CSMD3: variants seen among roughly 807,000 people sequenced by gnomAD.
CSMD3 encodes CUB and Sushi multiple domains 3, also known as CUB and sushi domain-containing protein 3.
CSMD3 carries 177 observed loss-of-function variants against 435.2 expected under a neutral mutation model. That is an observed-to-expected ratio of 0.41 (90% CI 0.36 to 0.46). CSMD3 has a LOEUF of 0.46. CSMD3 is among the 20% of genes least tolerant of loss of function. The pLI is 0.34. For missense variants in CSMD3, 4,265 were observed against 4,504.6 expected, an observed-to-expected ratio of 0.95 and a Z score of 1.52; for synonymous variants, 1,656 against 1,520.5, an observed-to-expected ratio of 1.09 and a Z score of -2.07.
chr8:113,251,434 T>A (rs893901704), intron 3 of CSMD3, among the ~76,000 whole-genome samples: 2 of 152,038 alleles, frequency 1.3e-5, no homozygotes, highest in South Asian at 2.1e-4. Flanking sequence ...TTTTTCTCCT[T>A]AATTTTAATT....
intron 3 of CSMD3, among the ~76,000 whole-genome samples, chr8:113,245,857 A>T (rs905767064): frequency 1.3e-5 from 2 of 152,000 alleles, no homozygotes; most frequent in African/African-American, 4.8e-5. Flanking sequence ...CTGGAAATGT[A>T]TTAATTTATT....
intron 1 of CSMD3, among the ~76,000 whole-genome samples, chr8:113,400,606 CA>C (rs2094505476): frequency 6.6e-6 from 1 of 151,456 alleles, no homozygotes; most frequent in South Asian, 2.1e-4. Context: ...TTAACATGGC[CA>C]AAAAGAAGAG....
chr8:112,977,846 T>C lies in CSMD3; in HGVS notation c.1031-1698A>G, dbSNP rs949590124. Among the ~76,000 whole-genome samples the C allele has an allele frequency of 4.6e-5, 7 of 152,118 alleles. No homozygotes were observed. In the South Asian group the frequency reaches 1.4e-3, roughly 31 times the overall value. On this transcript the variant is annotated intron_variant, in intron 6 of 70. Transcript: ENST00000297405. Reference sequence around the variant, plus strand: ...GAATCTACTAAGTTCACATTGGTTATATAAATCAGGTTGCAATATTTAGTC... The same window carrying C: ...GAATCTACTAAGTTCACATTGGTTACATAAATCAGGTTGCAATATTTAGTC...
chr8:112,969,909 G>A (rs2084579257), intron 7 of CSMD3, among the ~76,000 whole-genome samples: 1 of 151,946 alleles, frequency 6.6e-6, no homozygotes, highest in South Asian at 2.1e-4. Context: ...AACTCCTTGA[G>A]AAAGGATACC....
chr8:112,922,424 A>C (rs2082772464), intron 9 of CSMD3, among the ~76,000 whole-genome samples: 1 of 151,966 alleles, frequency 6.6e-6, no homozygotes, highest in African/African-American at 2.4e-5. Flanking sequence ...TATTGACTAT[A>C]GCTATCTTGT....
At chr8:112,735,615 A>G (rs148832246) in intron 13 of CSMD3, among the ~76,000 whole-genome samples, 85 of 152,162 alleles carry the variant, frequency 5.6e-4, no homozygotes, top group Non-Finnish European at 9.0e-4. Context: ...GAGAGGACAA[A>G]TAATACTTGC....
chr8:113,064,207 T>C (rs1205784043), intron 5 of CSMD3, among the ~76,000 whole-genome samples: 1 of 151,962 alleles, frequency 6.6e-6, no homozygotes, highest in East Asian at 1.9e-4. Flanking sequence ...ATGAACCATT[T>C]GCTTTGTGTT....
At chr8:112,659,118 A>G (rs1405957385) in intron 17 of CSMD3, among the ~76,000 whole-genome samples, 1 of 151,266 alleles carries the variant, frequency 6.6e-6, no homozygotes, top group African/African-American at 2.5e-5. Context: ...AAACATAAAG[A>G]GACTTAATTC....
intron 30 of CSMD3, among the ~76,000 whole-genome samples, chr8:112,494,481 T>G (rs1821050245): frequency 9.5e-6 from 1 of 104,884 alleles, no homozygotes; most frequent in African/African-American, 2.7e-5. Context: ...TCTTTTCTTT[T>G]GTTTCTTTCT....
At chr8:113,101,957 C>A (rs1023316038) in intron 4 of CSMD3, among the ~76,000 whole-genome samples, 6 of 152,012 alleles carry the variant, frequency 3.9e-5, no homozygotes, top group Non-Finnish European at 1.5e-5. Context: ...ATTATGAATT[C>A]ATAGCAGAAC....
chr8:113,380,231 A>C (rs1041196561), intron 1 of CSMD3, among the ~76,000 whole-genome samples: 1 of 151,370 alleles, frequency 6.6e-6, no homozygotes, highest in African/African-American at 2.4e-5. Context: ...CTTTTGTTGA[A>C]AATTTTGCTT....
At chr8:113,226,957 C>T (rs1436993503) in intron 3 of CSMD3, among the ~76,000 whole-genome samples, 2 of 151,470 alleles carry the variant, frequency 1.3e-5, no homozygotes. Context: ...TTGCTTCTGC[C>T]TAATATTATC....
intron 1 of CSMD3, among the ~76,000 whole-genome samples, chr8:113,430,396 T>G (rs534269181): frequency 6.6e-6 from 1 of 152,200 alleles, no homozygotes; most frequent in South Asian, 2.1e-4. Context: ...ATAATAAAAC[T>G]GAAGCTTAGG....
intron 7 of CSMD3, among the ~76,000 whole-genome samples, chr8:112,971,768 T>C (rs2084667097): frequency 6.6e-6 from 1 of 152,170 alleles, no homozygotes; most frequent in Admixed American, 6.5e-5. Flanking sequence ...ATTTTCTTCC[T>C]CTTTTGCTTC....
chr8:113,352,293 A>C (rs1389326328), intron 1 of CSMD3, among the ~76,000 whole-genome samples: 1 of 152,112 alleles, frequency 6.6e-6, no homozygotes. Context: ...AGACACACAG[A>C]GATACAAGAG....
rs1563808695 is a variant in CSMD3, at chr8:112,337,852, A to G, written c.6653-121T>C. On this transcript the variant is annotated intron_variant, in intron 42 of 70. Transcript: ENST00000297405. ...ATGCTACTTGCAGTTGATTATAAAT[A>G]GCAATTCAGGTTTATGATAAATGCT... 6.8e-5 allele frequency: 45 copies of G among 658,006 alleles called. 1 individual carries two copies. The East Asian group carries it at 1.2e-3, about 17-fold the overall frequency. The allele number at this position is 658,006 out of a possible 1,614,324, so 40.8% of individuals were successfully genotyped here. A position where few individuals can be genotyped will look rare whatever the true frequency, so the allele number is the denominator to read the frequency against.
At position 113,340,071 on chromosome 8, in the gene CSMD3, A is replaced by G. The variant is rs116479547; in HGVS notation, c.179-25278T>C. On this transcript the variant is annotated intron_variant, in intron 1 of 70. Coordinates refer to ENST00000297405, the MANE Select transcript of CSMD3 (RefSeq NM_198123.2). Reference sequence around the variant, plus strand: ...AGTATATAACATATCTAAACTTACTATAACTATTTATATATGTGTTATGTG... The same window carrying G: ...AGTATATAACATATCTAAACTTACTGTAACTATTTATATATGTGTTATGTG... Among the ~76,000 whole-genome samples, 1,462 of 152,090 alleles carry G rather than the reference A, an allele frequency of 9.6e-3. 21 individuals carry two copies. The highest frequency in any genetic ancestry group is 0.031 in the African/African-American group (1,290 of 41,518).
chr8:112,508,390 T>C (rs1407270235), intron 28 of CSMD3, among the ~76,000 whole-genome samples: 1 of 152,168 alleles, frequency 6.6e-6, no homozygotes, highest in East Asian at 1.9e-4. Flanking sequence ...ACCCTACCAG[T>C]TCCGATTCTT....
intron 9 of CSMD3, among the ~76,000 whole-genome samples, chr8:112,933,356 C>T (rs1450007737): frequency 6.6e-6 from 1 of 152,130 alleles, no homozygotes; most frequent in Non-Finnish European, 1.5e-5. Context: ...GTAATATGAG[C>T]TGGTTTAAAA....
Sources: allele counts gnomAD v4.1 joint callset (sites outside exome capture counted in the v4.1 genomes callset), GRCh38; gene constraint gnomAD v4.1.1; transcripts MANE v1.5; gene names NCBI Gene and HGNC (gene_info 2026-07-23, HGNC 2026-07-21).